The following TREML2 variants were observed in gnomAD, a reference collection of about 807,000 sequenced individuals.
The protein encoded by TREML2 is triggering receptor expressed on myeloid cells like 2.
In TREML2, 24 loss-of-function variants were observed where a neutral mutation model predicts 25.9. The observed-to-expected ratio is 0.93, with a 90% confidence interval of 0.67 to 1.30. The LOEUF (loss-of-function observed/expected upper bound fraction) is 1.30. Ranked by LOEUF, TREML2 falls within the 50% of genes most tolerant of loss-of-function variation. TREML2 has a pLI of 0.00. For synonymous variants in TREML2, 139 were observed against 155.2 expected (o/e 0.90, Z 0.77); for missense variants, 359 against 395.6 (o/e 0.91, Z 0.78).
chr6:41,200,892 G>A, intron 1 of TREML2, 62 bp downstream of exon 1: 1 of 1,392,886 alleles, frequency 7.2e-7, no homozygotes, highest in Non-Finnish European at 9.5e-7. Flanking sequence ...TAAGAAAAAG[G>A]CCCTGAGCTC....
chr6:41,194,697 TC>T lies in TREML2; in HGVS notation c.512del (p.Gly171AspfsTer9). The T allele has an allele frequency of 1.9e-6, 3 of 1,613,948 alleles. No homozygotes were observed. Among genetic ancestry groups the T allele is most frequent in the Non-Finnish European group, 2.5e-6 (3 of 1,179,962 alleles). On this transcript the variant is annotated frameshift_variant, in exon 3 of 5. Transcript: ENST00000483722. LOFTEE classifies it high-confidence loss of function. ...CTAAGAGCCTAGGCAAGGTGATGAG[TC>T]CTGGGGTGAACACCATCACACCAGT... The part of the protein sequence containing the change: ...FTTGVMVFTP[G>X]LITLPRLLAS...
intron 1 of TREML2, among the ~76,000 whole-genome samples, chr6:41,198,818 T>C (rs1766224841): frequency 6.6e-6 from 1 of 152,026 alleles, no homozygotes; most frequent in Non-Finnish European, 1.5e-5. Flanking sequence ...TGACAAGCTC[T>C]GTCTTCAGGG....
Position 41,201,082 on chromosome 6 carries a change from T to TG in TREML2, c.-75dup, listed in dbSNP as rs1766267008. On this transcript the variant is annotated 5_prime_UTR_variant, in exon 1 of 5. It removes the in-frame stop codon of an upstream open reading frame in the 5' UTR. Coordinates refer to ENST00000483722, the MANE Select transcript of TREML2 (RefSeq NM_024807.4). ...CCCACCCGACACAGGATGTGCCACC[T>TG]GGGCCTGCCAGGGAAGGACCCGGGG... 1 of 1,565,942 alleles carries TG rather than the reference T, an allele frequency of 6.4e-7. No homozygotes were observed. The highest frequency in any genetic ancestry group is 1.7e-5 in the Admixed American group (1 of 59,686).
chr6:41,200,866 C>T (rs1766260335), intron 1 of TREML2, 88 bp downstream of exon 1: 5 of 1,197,160 alleles, frequency 4.2e-6, no homozygotes, highest in Non-Finnish European at 4.5e-6. Context: ...AACAAGAAAA[C>T]TGCTGGTAAG....
At position 41,198,347 on chromosome 6, in the gene TREML2, G is replaced by A. The variant is rs1397560341; in HGVS notation, c.138C>T (p.Tyr46=). The A allele has an allele frequency of 1.2e-6, 2 of 1,614,208 alleles. No homozygotes were observed. The highest frequency in any genetic ancestry group is 4.5e-5 in the East Asian group (2 of 44,886). Residue 46 remains tyrosine, a synonymous_variant, in exon 2 of 5, where the codon TAC becomes TAT. Coordinates refer to ENST00000483722, the MANE Select transcript of TREML2 (RefSeq NM_024807.4). ...TLSVQCSYKG[Y]KNRVEGKVWC... Reference sequence around the variant, plus strand: ...AAACCTTGCCCTCCACGCGGTTTTTGTAGCCCTTATAGGAGCACTGCACAG... The same window carrying A: ...AAACCTTGCCCTCCACGCGGTTTTTATAGCCCTTATAGGAGCACTGCACAG...
intron 1 of TREML2, among the ~76,000 whole-genome samples, chr6:41,199,401 T>C (rs1407428833): frequency 2.0e-5 from 3 of 152,262 alleles, no homozygotes; most frequent in Admixed American, 6.5e-5. Context: ...TAAAATATTC[T>C]AGTTACATAA....
intron 2 of TREML2, 41 bp from the exon 3 acceptor site, chr6:41,194,874 G>A: frequency 6.5e-7 from 1 of 1,530,682 alleles, no homozygotes; most frequent in Non-Finnish European, 8.8e-7. Flanking sequence ...TGACTTGGGT[G>A]CCTCAGTGCT....
chr6:41,197,857 C>A (rs1201438503), intron 2 of TREML2, among the ~76,000 whole-genome samples: 1 of 152,142 alleles, frequency 6.6e-6, no homozygotes, highest in African/African-American at 2.4e-5. Context: ...CAAGTTTGAA[C>A]CTTATCTCAG....
chr6:41,195,851 C>G (rs530081791), intron 2 of TREML2, among the ~76,000 whole-genome samples: 93 of 152,342 alleles, frequency 6.1e-4, no homozygotes, highest in African/African-American at 2.1e-3. Flanking sequence ...CCATCTCCCC[C>G]TCCCTCATTC....
At chr6:41,197,153 C>T (rs1301052123) in intron 2 of TREML2, among the ~76,000 whole-genome samples, 1 of 152,240 alleles carries the variant, frequency 6.6e-6, no homozygotes, top group Non-Finnish European at 1.5e-5. Context: ...CCACTAGTGC[C>T]TACATTGTAC....
chr6:41,197,538 C>G (rs1168310344), intron 2 of TREML2, among the ~76,000 whole-genome samples: 1 of 152,202 alleles, frequency 6.6e-6, no homozygotes, highest in East Asian at 1.9e-4. Context: ...TTGGTGTTGT[C>G]TGCTAAGGGA....
At chr6:41,194,386 T>A in intron 3 of TREML2, 39 bp downstream of exon 3, 1 of 1,496,748 alleles carries the variant, frequency 6.7e-7, no homozygotes, top group Middle Eastern at 2.0e-4. Flanking sequence ...GTTTGGGCAC[T>A]AAGTGCTGGT....
Position 41,190,224 on chromosome 6 carries a change from C to T in TREML2, c.*2203G>A, listed in dbSNP as rs779249092. On this transcript the variant is annotated 3_prime_UTR_variant, in exon 5 of 5. Transcript: ENST00000483722. ...CTTCCTTTCTCCTCTCTCACTCCTT[C>T]TCCAGATGAGGAAACAAGATCAGAG... 3.3e-5 allele frequency: 5 copies of T among 152,104 alleles called. No individual in the cohort carries two copies. Among genetic ancestry groups the T allele is most frequent in the Non-Finnish European group, 5.9e-5 (4 of 68,030 alleles). The allele number at this position is 152,104 out of a possible 1,614,324, so 9.4% of individuals were successfully genotyped here.
At chr6:41,192,677 C>T (rs992052489) in intron 4 of TREML2, 124 bp downstream of exon 4, 9 of 1,134,476 alleles carry the variant, frequency 7.9e-6, no homozygotes, top group South Asian at 5.6e-5. Flanking sequence ...CAGGTGGAAG[C>T]GTCATAGTCC....
At position 41,194,292 on chromosome 6, in the gene TREML2, C is replaced by G. The variant is rs371462663; in HGVS notation, c.785+133G>C. The G allele has an allele frequency of 1.5e-4, 129 of 885,760 alleles. 1 individual carries two copies. In the African/African-American group the frequency reaches 1.9e-3, roughly 13 times the overall value. The allele number at this position is 885,760 out of a possible 1,614,324, so 54.9% of individuals were successfully genotyped here. On this transcript the variant is annotated intron_variant, in intron 3 of 4. Coordinates refer to ENST00000483722, the MANE Select transcript of TREML2 (RefSeq NM_024807.4). ...ATCCTTTATGTCACTTCCAGTCCCC[C>G]ACCTCACATTCAGAAGCAGGCCACA...
intron 1 of TREML2, among the ~76,000 whole-genome samples, chr6:41,199,759 A>G (rs1489501177): frequency 6.6e-6 from 1 of 152,254 alleles, no homozygotes; most frequent in East Asian, 1.9e-4. Flanking sequence ...CAGAGAGCAC[A>G]CATTTTGGAG....
chr6:41,200,405 C>G (rs1185033195), intron 1 of TREML2, among the ~76,000 whole-genome samples: 6 of 152,096 alleles, frequency 3.9e-5, no homozygotes, highest in Non-Finnish European at 8.8e-5. Context: ...CCCCACCATG[C>G]CCAGAACTGA....
At chr6:41,198,661 G>A (rs1023204091) in intron 1 of TREML2, among the ~76,000 whole-genome samples, 13 of 152,146 alleles carry the variant, frequency 8.5e-5, no homozygotes, top group Admixed American at 2.6e-4. Context: ...CACAACCCCC[G>A]CTCTCAGGGA....
chr6:41,199,224 C>A (rs1766233888), intron 1 of TREML2, among the ~76,000 whole-genome samples: 1 of 152,200 alleles, frequency 6.6e-6, no homozygotes, highest in African/African-American at 2.4e-5. Context: ...TGCAGAGACA[C>A]AAACACAGGT....
Sources: gnomAD v4.1 joint callset for allele counts (sites outside exome capture counted in the v4.1 genomes callset) on GRCh38, gnomAD v4.1.1 for gene constraint, MANE v1.5 for transcripts, NCBI Gene and HGNC (gene_info 2026-07-23, HGNC 2026-07-21) for gene names.